PCDHA6: variants seen among roughly 807,000 people sequenced by gnomAD.
PCDHA6 encodes the protein protocadherin alpha 6.
Under a neutral mutation model 60.3 loss-of-function variants are expected in PCDHA6, and 55 were observed. That is an observed-to-expected ratio of 0.91 (90% CI 0.73 to 1.14). The LOEUF (loss-of-function observed/expected upper bound fraction) is 1.14. Among genes scored for constraint, PCDHA6 ranks in the 50% most tolerant of loss-of-function variants. The pLI is 0.00. For synonymous variants in PCDHA6, 652 were observed against 557.9 expected (o/e 1.17, Z -2.38); for missense variants, 1,327 against 1,256.5 (o/e 1.06, Z -0.85).
intron 1 of PCDHA6, among the ~76,000 whole-genome samples, chr5:140,886,846 AAG>A (rs1345370045): frequency 2.0e-5 from 3 of 151,444 alleles, no homozygotes; most frequent in Admixed American, 6.6e-5. Context: ...AAAAAAAAAA[AAG>A]AAAGGTCTTC....
intron 1 of PCDHA6, among the ~76,000 whole-genome samples, chr5:140,904,604 T>C (rs1010462159): frequency 2.0e-5 from 3 of 152,094 alleles, no homozygotes; most frequent in Non-Finnish European, 1.5e-5. Flanking sequence ...CTGGATCAAA[T>C]AGTAGTTTTA....
intron 1 of PCDHA6, chr5:140,841,829 T>G: frequency 6.2e-7 from 1 of 1,613,898 alleles, no homozygotes; most frequent in Non-Finnish European, 8.5e-7. Context: ...CGTGTTAACC[T>G]ACAGGCTTAG....
chr5:140,883,557 G>T, intron 1 of PCDHA6: 1 of 1,614,214 alleles, frequency 6.2e-7, no homozygotes, highest in South Asian at 1.1e-5. Flanking sequence ...GCGCGGGACG[G>T]GGGCTCGCCT....
intron 1 of PCDHA6, chr5:140,866,423 G>A (rs2049350651): frequency 6.6e-6 from 1 of 151,088 alleles, no homozygotes; most frequent in South Asian, 2.1e-4. Flanking sequence ...ATGTGTGTAG[G>A]TCTTTCAGTC....
intron 1 of PCDHA6, chr5:140,876,592 G>A (rs1469576623): frequency 1.2e-6 from 2 of 1,614,164 alleles, no homozygotes; most frequent in Middle Eastern, 1.6e-4. Flanking sequence ...CCTGATTAGC[G>A]TGTCGGATCG....
chr5:140,883,980 G>A, intron 1 of PCDHA6: 1 of 1,612,872 alleles, frequency 6.2e-7, no homozygotes, highest in Non-Finnish European at 8.5e-7. Context: ...CCCGGGGCTG[G>A]CAGCGCGGGA....
chr5:140,835,623 G>T, intron 1 of PCDHA6: 2 of 1,613,888 alleles, frequency 1.2e-6, no homozygotes, highest in Non-Finnish European at 1.7e-6. Flanking sequence ...CAGCGCTCTG[G>T]ACCGCGAGAG....
At chr5:140,888,309 C>T (rs1175163005) in intron 1 of PCDHA6, among the ~76,000 whole-genome samples, 1 of 152,138 alleles carries the variant, frequency 6.6e-6, no homozygotes, top group Admixed American at 6.5e-5. Context: ...GATAATTTGG[C>T]AATGCCTGGA....
At position 140,830,128 on chromosome 5, in the gene PCDHA6, A is replaced by C; in HGVS notation, c.2037A>C (p.Ser679=). The change falls in exon 1 of 4, where the codon TCA becomes TCC. Residue 679 remains serine, a synonymous_variant. Coordinates refer to ENST00000529310, the MANE Select transcript of PCDHA6 (RefSeq NM_018909.4). ...AGAGTGGCCAGGCTCCAAAGGCGTCATCACGGGCGTCGGTGGGCGCCGCGG... is the reference window on the plus strand; with the variant it reads ...AGAGTGGCCAGGCTCCAAAGGCGTCCTCACGGGCGTCGGTGGGCGCCGCGG... The part of the protein sequence containing the change: ...LVESGQAPKA[S]SRASVGAAGP... 6.2e-7 allele frequency: 1 copy of C among 1,613,412 alleles called. No individual in the cohort carries two copies. The highest frequency in any genetic ancestry group is 8.5e-7 in the Non-Finnish European group (1 of 1,179,880).
chr5:140,938,899 A>C (rs1175857132), intron 1 of PCDHA6, among the ~76,000 whole-genome samples: 1 of 151,886 alleles, frequency 6.6e-6, no homozygotes, highest in Non-Finnish European at 1.5e-5. Flanking sequence ...ACAGATGCGC[A>C]CACACACACA....
At chr5:140,850,482 G>A (rs2150486061) in intron 1 of PCDHA6, 3 of 1,598,110 alleles carry the variant, frequency 1.9e-6, no homozygotes, top group Non-Finnish European at 2.6e-6. Context: ...GACGGCCACG[G>A]CCACTGTGCT....
intron 1 of PCDHA6, among the ~76,000 whole-genome samples, chr5:140,845,833 T>G (rs1323820046): frequency 2.0e-5 from 3 of 149,812 alleles, no homozygotes; most frequent in Non-Finnish European, 4.5e-5. Context: ...GTTATTACCA[T>G]TCTTAAGAGA....
chr5:140,921,498 A>G (rs2080245132), intron 1 of PCDHA6, among the ~76,000 whole-genome samples: 1 of 152,230 alleles, frequency 6.6e-6, no homozygotes, highest in African/African-American at 2.4e-5. Context: ...TTAGTTTATT[A>G]GATAGTGCCT....
Position 140,857,640 on chromosome 5 carries a change from A to T in PCDHA6, c.2394+27155A>T, listed in dbSNP as rs1554150415. The T allele has an allele frequency of 1.3e-6, 2 of 1,596,722 alleles. 1 individual carries two copies. The highest frequency in any genetic ancestry group is 3.4e-5 in the Admixed American group (2 of 59,300). On this transcript the variant is annotated intron_variant, in intron 1 of 3. Coordinates refer to ENST00000529310, the MANE Select transcript of PCDHA6 (RefSeq NM_018909.4). The stretch of plus-strand genomic sequence containing the variant: ...GACCACGAGGAGCTGGAGCTGCTAC[A>T]GTTCCAGGTGAGCGCGCGCGATGGG...
intron 1 of PCDHA6, chr5:140,842,198 T>A: frequency 6.2e-7 from 1 of 1,613,764 alleles, no homozygotes. Flanking sequence ...TATTGACCAC[T>A]TTAGCATAGA....
chr5:141,000,383 CTCTCTCTCTCTCTA>C (rs1438422699), intron 3 of PCDHA6, among the ~76,000 whole-genome samples: 4 of 63,178 alleles, frequency 6.3e-5, no homozygotes, highest in African/African-American at 2.9e-4. Context: ...CTCTCTCTCT[CTCTCTCTCTCTCTA>C]TATATATATA....
At position 140,928,541 on chromosome 5, in the gene PCDHA6, A is replaced by G. The variant is rs149868042; in HGVS notation, c.2395-50408A>G. On this transcript the variant is annotated intron_variant, in intron 1 of 3. Transcript: ENST00000529310. ...AACTTGTTTGTGGTAGATAGGAATG[A>G]CAATTATCCGGTTATCTTGTTTCCC... 2 of 1,614,192 alleles carry G rather than the reference A, an allele frequency of 1.2e-6. No homozygotes were observed. Among genetic ancestry groups the G allele is most frequent in the African/African-American group, 1.3e-5 (1 of 75,044 alleles).
chr5:140,873,928 T>C (rs944678136), intron 1 of PCDHA6, among the ~76,000 whole-genome samples: 1 of 152,216 alleles, frequency 6.6e-6, no homozygotes, highest in Non-Finnish European at 1.5e-5. Flanking sequence ...CCCAAAGTGC[T>C]GGGATTACAG....
intron 1 of PCDHA6, among the ~76,000 whole-genome samples, chr5:140,914,947 T>TC (rs1232423561): frequency 7.0e-6 from 1 of 142,282 alleles, no homozygotes; most frequent in Non-Finnish European, 1.5e-5. Context: ...AAGTTGTCTT[T>TC]TTTTTTTTTT....
Sources: gnomAD v4.1 joint callset for allele counts (sites outside exome capture counted in the v4.1 genomes callset) on GRCh38, gnomAD v4.1.1 for gene constraint, MANE v1.5 for transcripts, NCBI Gene and HGNC (gene_info 2026-07-23, HGNC 2026-07-21) for gene names.